The following AGER variants were observed in gnomAD, a reference collection of about 807,000 sequenced individuals.
The protein encoded by AGER is advanced glycosylation end-product specific receptor, also known as advanced glycation end product-specific receptor.
A neutral mutation model predicts 48.8 loss-of-function variants in AGER; 46 were observed. The observed-to-expected ratio is 0.94, with a 90% CI of 0.74 to 1.20. AGER has a LOEUF of 1.20. AGER is among the 50% of genes most tolerant of loss of function. The probability of loss-of-function intolerance (pLI) is 0.00; values close to 1 mark genes in which losing one functional copy is unlikely to be tolerated. For synonymous variants in AGER, 170 were observed against 199.9 expected (o/e 0.85, Z 1.26); for missense variants, 489 against 515.0 (o/e 0.95, Z 0.49).
Position 32,181,455 on chromosome 6 carries a change from C to T in AGER, c.1014G>A (p.Leu338=). ...TCCCCAGGGCCAGGGCTAGAGTTCC[C>T]AGCCCTGATCCTCCCACAGAGCCTG... ...PTAGSVGGSG[L]GTLALALGIL... is the part of the protein sequence containing the mutation. Residue 338 remains leucine (L), a synonymous_variant, in exon 10 of 11, where the codon CTG becomes CTA. Transcript: ENST00000375076. This position sits in a 1 kb window ranked among gnomAD's most constrained non-coding sequence, Gnocchi z 4.1. 1 of 1,613,320 alleles carries T rather than the reference C, an allele frequency of 6.2e-7. No homozygotes were observed. Among genetic ancestry groups the T allele is most frequent in the Non-Finnish European group, 8.5e-7 (1 of 1,180,020 alleles).
Position 32,182,660 on chromosome 6 carries a change from G to T in AGER, c.730C>A (p.Pro244Thr). Residue 244 changes from proline to threonine, a missense_variant, in exon 7 of 11, where the codon CCA (proline) becomes ACA (threonine). By Grantham distance (38) the Pro-to-Thr change is conservative. Coordinates refer to ENST00000375076, the MANE Select transcript of AGER (RefSeq NM_001136.5). This position sits in a 1 kb window ranked among gnomAD's most constrained non-coding sequence, Gnocchi z 5.1. ...CCAGGAGCTACTGCTCCACCTTCTG[G>T]CTCCACCACCAATTGGACCTCCTCC... ...PLEEVQLVVE[P>T]EGGAVAPGGT... is the part of the protein sequence containing the mutation. 6.2e-7 allele frequency: 1 copy of T among 1,613,088 alleles called. No homozygotes were observed. Among genetic ancestry groups the T allele is most frequent in the Non-Finnish European group, 8.5e-7 (1 of 1,180,036 alleles).
In AGER at chr6:32,182,297, T is replaced by C. The variant is rs1391153880; in HGVS notation, c.914A>G (p.His305Arg). The part of the protein sequence containing the change: ...DQGTYSCVAT[H>R]SSHGPQESRA... ...GCTTTCCTGGGGCCCGTGGCTGGAA[T>C]GGGTGGCCACACAGCTGTAGGTTCC... The change falls in exon 8 of 11, where the codon CAT becomes CGT. Residue 305 changes from histidine (H) to arginine (R), a missense_variant. Physicochemically the swap from His to Arg is conservative, Grantham distance 29 (BLOSUM62 0). Transcript: ENST00000375076. The surrounding 1 kb of genome is among the most constrained non-coding windows in gnomAD (Gnocchi z 5.1). The C allele has an allele frequency of 1.2e-6, 2 of 1,612,514 alleles. No homozygotes were observed. The highest frequency in any genetic ancestry group is 2.2e-5 in the South Asian group (2 of 91,058).
Position 32,181,716 on chromosome 6 carries a change from T to C in AGER, c.965-84A>G, listed in dbSNP as rs941704704. The C allele has an allele frequency of 5.1e-6, 7 of 1,383,246 alleles. No individual in the cohort carries two copies. The highest frequency in any genetic ancestry group is 7.0e-6 in the Non-Finnish European group (7 of 1,003,680). The allele number at this position is 1,383,246 out of a possible 1,614,324, so 85.7% of individuals were successfully genotyped here. ...TTAGTGGGAGCCCCAGTGGAGTCTT[T>C]CCCTTTCTTTTTTTTTTTGAGATGG... is the stretch of plus-strand genomic sequence containing the variant. On this transcript the variant is annotated intron_variant, in intron 8 of 10. Coordinates refer to ENST00000375076, the MANE Select transcript of AGER (RefSeq NM_001136.5). The surrounding 1 kb of genome is among the most constrained non-coding windows in gnomAD (Gnocchi z 4.1).
intron 1 of AGER, 48 bp downstream of exon 1, chr6:32,184,122 TA>T: frequency 6.2e-7 from 1 of 1,605,202 alleles, no homozygotes; most frequent in Non-Finnish European, 8.5e-7. Context: ...GGTGTGGGGT[TA>T]AAGTGCTTTC....
Position 32,181,280 on chromosome 6 carries a change from C to A in AGER, c.1119-41G>T. The A allele has an allele frequency of 1.2e-6, 2 of 1,613,834 alleles. No individual in the cohort carries two copies. The highest frequency in any genetic ancestry group is 1.7e-6 in the Non-Finnish European group (2 of 1,180,038). On this transcript the variant is annotated intron_variant, in intron 10 of 10. Transcript: ENST00000375076. The surrounding 1 kb of genome is among the most constrained non-coding windows in gnomAD (Gnocchi z 4.1). ...GGGGGGAATGCGGCACGTTGTCGTT[C>A]CACCCCCCGACCCCTCTTCGCTTGC...
In AGER at chr6:32,182,854, C is replaced by T; in HGVS notation, c.678G>A (p.Gln226=). 4 of 1,612,018 alleles carry T rather than the reference C, an allele frequency of 2.5e-6. No homozygotes were observed. The highest frequency in any genetic ancestry group is 3.4e-6 in the Non-Finnish European group (4 of 1,179,664). Residue 226 remains glutamine (Q), a synonymous_variant, in exon 6 of 11, where the codon CAG becomes CAA. Coordinates refer to ENST00000375076, the MANE Select transcript of AGER (RefSeq NM_001136.5). This position sits in a 1 kb window ranked among gnomAD's most constrained non-coding sequence, Gnocchi z 5.1. ...RHRALRTAPI[Q]PRVWEPVPLE... is the part of the protein sequence containing the mutation. Reference sequence around the variant, plus strand: ...ACCTATGCTCACCCCAGACACGGGGCTGGATGGGGGCTGTGCGCAAGGCCC... The same window carrying T: ...ACCTATGCTCACCCCAGACACGGGGTTGGATGGGGGCTGTGCGCAAGGCCC...
chr6:32,182,334 GC>G lies in AGER; in HGVS notation c.876del (p.Pro293LeufsTer49). On this transcript the variant is annotated frameshift_variant, in exon 8 of 11. Transcript: ENST00000375076. LOFTEE classifies it high-confidence loss of function. The surrounding 1 kb of genome is among the most constrained non-coding windows in gnomAD (Gnocchi z 5.1). The stretch of plus-strand genomic sequence containing the variant: ...CAGCTGTAGGTTCCCTGGTCCTGAG[GC>G]CCTATCTCAGGGAGGATCAGCACAG... ...PSPVLILPEI[G>X]PQDQGTYSCV... The G allele has an allele frequency of 6.2e-7, 1 of 1,612,236 alleles. No homozygotes were observed. The highest frequency in any genetic ancestry group is 8.5e-7 in the Non-Finnish European group (1 of 1,179,472).
rs781751737 is a variant in AGER, at chr6:32,182,180, G to T, written c.964+67C>A. On this transcript the variant is annotated intron_variant, in intron 8 of 10. Coordinates refer to ENST00000375076, the MANE Select transcript of AGER (RefSeq NM_001136.5). The surrounding 1 kb of genome is among the most constrained non-coding windows in gnomAD (Gnocchi z 5.1). The stretch of plus-strand genomic sequence containing the variant: ...TAGGGATAAGGCCAGAATGGGGCAG[G>T]AAATTAGAGCCTGTGCTGTCCTGCA... 3.1e-6 allele frequency: 5 copies of T among 1,608,144 alleles called. No homozygotes were observed. The highest frequency in any genetic ancestry group is 1.1e-5 in the South Asian group (1 of 91,036).
chr6:32,183,387 C>A lies in AGER; in HGVS notation c.357G>T (p.Gln119His). Residue 119 changes from glutamine to histidine, a missense_variant and splice_region_variant, in exon 4 of 11, where the codon CAG (glutamine) becomes CAT (histidine). Gln to His is a conservative substitution (Grantham distance 24, BLOSUM62 0). Coordinates refer to ENST00000375076, the MANE Select transcript of AGER (RefSeq NM_001136.5). ...TKSNYRVRVY[Q>H]IPGKPEIVDS... ...CTACAATTTCTGGCTTCCCAGGAAT[C>A]TCTGAAGGAGGAAAAATCCAGTCAG... 1 of 1,613,056 alleles carries A rather than the reference C, an allele frequency of 6.2e-7. No homozygotes were observed. Among genetic ancestry groups the A allele is most frequent in the Non-Finnish European group, 8.5e-7 (1 of 1,179,990 alleles).
At position 32,182,041 on chromosome 6, in the gene AGER, CT is replaced by C; in HGVS notation, c.964+205del. On this transcript the variant is annotated intron_variant, in intron 8 of 10. Transcript: ENST00000375076. The surrounding 1 kb of genome is among the most constrained non-coding windows in gnomAD (Gnocchi z 5.1). ...AGCCACCGCGCCCAGCCGTCTGTTC[CT>C]TTTTTTAGCTCAGAGGGAAGAAGGG... The C allele has an allele frequency of 7.3e-6, 6 of 824,168 alleles. No homozygotes were observed. Among genetic ancestry groups the C allele is most frequent in the Non-Finnish European group, 1.0e-5 (5 of 497,856 alleles). The allele number at this position is 824,168 out of a possible 1,614,324, so 51.1% of individuals were successfully genotyped here.
At position 32,181,614 on chromosome 6, in the gene AGER, G is replaced by C; in HGVS notation, c.983C>G (p.Pro328Arg). 6.2e-7 allele frequency: 1 copy of C among 1,613,100 alleles called. No individual in the cohort carries two copies. The highest frequency in any genetic ancestry group is 8.5e-7 in the Non-Finnish European group (1 of 1,180,042). ...TTTATCAAACCCCTCACCTGCAGTT[G>C]GCCCCTCCTCGCCTGGTTCTGGAAG... ...ISIIEPGEEG[P>R]TAGSVGGSGL... Residue 328 changes from proline to arginine, a missense_variant, in exon 9 of 11, where the codon CCA (proline) becomes CGA (arginine). Coordinates refer to ENST00000375076, the MANE Select transcript of AGER (RefSeq NM_001136.5). The surrounding 1 kb of genome is among the most constrained non-coding windows in gnomAD (Gnocchi z 4.1).
intron 1 of AGER, 46 bp from the exon 2 acceptor site, chr6:32,184,033 T>C (rs1288666036): frequency 1.2e-6 from 2 of 1,611,988 alleles, no homozygotes; most frequent in African/African-American, 2.7e-5. Context: ...GAATGAGGGC[T>C]AACAAAATTT....
Position 32,183,318 on chromosome 6 carries a change from C to T in AGER, c.420+6G>A, listed in dbSNP as rs769205343. On this transcript the variant is annotated splice_donor_region_variant and intron_variant, in intron 4 of 10. Transcript: ENST00000375076. ...GTTTTCTACTTCTCCTGCTTTCTTC[C>T]ACTACCTTATTGGGAACACCAGCCG... The T allele has an allele frequency of 6.2e-7, 1 of 1,613,160 alleles. No individual in the cohort carries two copies.
rs1475560976 is a variant in AGER, at chr6:32,181,759, C to T, written c.965-127G>A. On this transcript the variant is annotated intron_variant, in intron 8 of 10. Coordinates refer to ENST00000375076, the MANE Select transcript of AGER (RefSeq NM_001136.5). This position sits in a 1 kb window ranked among gnomAD's most constrained non-coding sequence, Gnocchi z 4.1. ...TGAGATGGAGTTTCACTTTTGTTGC[C>T]CAGGCTGGCATGCAATGGTGCGATC... is the stretch of plus-strand genomic sequence containing the variant. The T allele has an allele frequency of 5.7e-6, 6 of 1,049,240 alleles. No individual in the cohort carries two copies. Among genetic ancestry groups the T allele is most frequent in the Admixed American group, 2.3e-5 (1 of 43,078 alleles). The allele number at this position is 1,049,240 out of a possible 1,614,324, so 65.0% of individuals were successfully genotyped here.
chr6:32,181,291 C>A lies in AGER; in HGVS notation c.1119-52G>T. ...GGCACGTTGTCGTTCCACCCCCCGA[C>A]CCCTCTTCGCTTGCTGCCTGGAAGC... On this transcript the variant is annotated intron_variant, in intron 10 of 10. Coordinates refer to ENST00000375076, the MANE Select transcript of AGER (RefSeq NM_001136.5). The surrounding 1 kb of genome is among the most constrained non-coding windows in gnomAD (Gnocchi z 4.1). 1 of 1,613,820 alleles carries A rather than the reference C, an allele frequency of 6.2e-7. No individual in the cohort carries two copies. The highest frequency in any genetic ancestry group is 8.5e-7 in the Non-Finnish European group (1 of 1,180,044).
chr6:32,183,727 C>T lies in AGER; in HGVS notation c.183G>A (p.Trp61Ter). 6.2e-7 allele frequency: 1 copy of T among 1,613,066 alleles called. No homozygotes were observed. Among genetic ancestry groups the T allele is most frequent in the Non-Finnish European group, 8.5e-7 (1 of 1,180,014 alleles). The change falls in exon 3 of 11, where the codon TGG becomes TGA. Residue 61 changes from tryptophan (W) to a stop codon, truncating the protein, a stop_gained. Transcript: ENST00000375076. LOFTEE classifies it high-confidence loss of function. ...CTCCTCCCTGGGGAGACAGGACCTT[C>T]CAAGCTTCTGTCCGGCCTGTGTTCT... ...WKLNTGRTEA[W>*]KVLSPQGGGP...
Position 32,181,446 on chromosome 6 carries a change from T to A in AGER, c.1023A>T (p.Leu341=). The change falls in exon 10 of 11, where the codon CTA becomes CTT. Residue 341 remains leucine, a synonymous_variant. Coordinates refer to ENST00000375076, the MANE Select transcript of AGER (RefSeq NM_001136.5). This position sits in a 1 kb window ranked among gnomAD's most constrained non-coding sequence, Gnocchi z 4.1. ...CTCCCAGGATCCCCAGGGCCAGGGC[T>A]AGAGTTCCCAGCCCTGATCCTCCCA... ...GSVGGSGLGT[L]ALALGILGGL... 6.2e-7 allele frequency: 1 copy of A among 1,613,262 alleles called. No homozygotes were observed.
rs1464545053 is a variant in AGER at position 32,182,147 on chromosome 6, G to A, written c.964+100C>T. The A allele has an allele frequency of 1.6e-5, 24 of 1,536,850 alleles. No individual in the cohort carries two copies. In the Admixed American group the frequency reaches 4.0e-4, roughly 26 times the overall value. ...GTGGGTGCATGGAGGGAGAGGTGGG[G>A]TGGCTGTTAGGGATAAGGCCAGAAT... On this transcript the variant is annotated intron_variant, in intron 8 of 10. Coordinates refer to ENST00000375076, the MANE Select transcript of AGER (RefSeq NM_001136.5). This position sits in a 1 kb window ranked among gnomAD's most constrained non-coding sequence, Gnocchi z 5.1.
Position 32,182,309 on chromosome 6 carries a change from C to T in AGER, c.902G>A (p.Cys301Tyr), listed in dbSNP as rs138178120. 5 of 1,612,668 alleles carry T rather than the reference C, an allele frequency of 3.1e-6. No homozygotes were observed. The highest frequency in any genetic ancestry group is 3.4e-6 in the Non-Finnish European group (4 of 1,179,982). Residue 301 changes from cysteine (C) to tyrosine (Y), a missense_variant, in exon 8 of 11, where the codon TGT becomes TAT. Transcript: ENST00000375076. This position sits in a 1 kb window ranked among gnomAD's most constrained non-coding sequence, Gnocchi z 5.1. Reference protein sequence around the residue: ...IGPQDQGTYSCVATHSSHGPQ... With the variant: ...IGPQDQGTYSYVATHSSHGPQ... ...CCCGTGGCTGGAATGGGTGGCCACA[C>T]AGCTGTAGGTTCCCTGGTCCTGAGG...
Sources: gnomAD v4.1 joint callset for allele counts on GRCh38, gnomAD v4.1.1 for gene constraint, Gnocchi (gnomAD v3.1) non-coding constraint, MANE v1.5 for transcripts, NCBI Gene and HGNC (gene_info 2026-07-23, HGNC 2026-07-21) for gene names.